Variants in COL26A1 observed in about 807,000 individuals in gnomAD.
The protein encoded by COL26A1 is collagen type XXVI alpha 1 chain.
A neutral mutation model predicts 59.3 loss-of-function variants in COL26A1; 41 were observed. The observed-to-expected ratio is 0.69, with a 90% CI of 0.54 to 0.90. The LOEUF (loss-of-function observed/expected upper bound fraction) is 0.90. COL26A1 is among the 40% of genes least tolerant of loss of function. The pLI is 0.00. For synonymous variants in COL26A1, 266 were observed against 256.0 expected (o/e 1.04, Z -0.37); for missense variants, 612 against 602.3 (o/e 1.02, Z -0.17).
At chr7:101,519,161 A>C (rs1795089450) in intron 3 of COL26A1, among the ~76,000 whole-genome samples, 1 of 152,206 alleles carries the variant, frequency 6.6e-6, no homozygotes, top group Non-Finnish European at 1.5e-5. Context: ...GGCAGGTGAC[A>C]CAGGTACAGA....
chr7:101,432,568 T>C (rs575584930), intron 2 of COL26A1, among the ~76,000 whole-genome samples: 5 of 152,216 alleles, frequency 3.3e-5, no homozygotes, highest in African/African-American at 1.2e-4. Flanking sequence ...TTTGGCTGAG[T>C]TGAGTTGCCT....
At position 101,498,313 on chromosome 7, in the gene COL26A1, A is replaced by G. The variant is rs149416010; in HGVS notation, c.386-34769A>G. Among the ~76,000 whole-genome samples, 16 of 152,296 alleles carry G rather than the reference A, an allele frequency of 1.1e-4. No individual in the cohort carries two copies. The East Asian group carries it at 3.1e-3, about 29-fold the overall frequency. On this transcript the variant is annotated intron_variant, in intron 3 of 12. Coordinates refer to ENST00000313669, the MANE Select transcript of COL26A1 (RefSeq NM_001278563.3). ...CCAAACCAATGACCTCTTTCTTATCAGTTTCATGTAACACAGAAAAAGTAA... is the reference window on the plus strand; with the variant it reads ...CCAAACCAATGACCTCTTTCTTATCGGTTTCATGTAACACAGAAAAAGTAA...
intron 1 of COL26A1, among the ~76,000 whole-genome samples, chr7:101,378,775 A>G (rs562932086): frequency 1.3e-5 from 2 of 152,192 alleles, no homozygotes; most frequent in African/African-American, 4.8e-5. Context: ...TGGAAATGCA[A>G]GGACTCTGCG....
chr7:101,524,954 ACAGAACCCC>A (rs1223447495), intron 3 of COL26A1, among the ~76,000 whole-genome samples: 1 of 152,170 alleles, frequency 6.6e-6, no homozygotes, highest in Non-Finnish European at 1.5e-5. Context: ...AGCCAAGTCA[ACAGAACCCC>A]CAGGGTTATA....
chr7:101,403,201 T>C (rs1792055248), intron 1 of COL26A1, among the ~76,000 whole-genome samples: 1 of 152,078 alleles, frequency 6.6e-6, no homozygotes. Flanking sequence ...CAGGGGACAA[T>C]AGACCTAAAC....
chr7:101,463,869 T>TTTTC (rs566945352), intron 3 of COL26A1, among the ~76,000 whole-genome samples: 4,574 of 91,642 alleles, frequency 0.05, 144 homozygotes, highest in East Asian at 0.12. Context: ...CTCTTTTTTC[T>TTTTC]TTTCTTTCTT....
chr7:101,398,844 A>G (rs1053063383), intron 1 of COL26A1, among the ~76,000 whole-genome samples: 1 of 152,110 alleles, frequency 6.6e-6, no homozygotes, highest in Non-Finnish European at 1.5e-5. Context: ...TCTGATTAGA[A>G]TCACAAATGC....
chr7:101,546,132 G>A (rs1364144626), intron 7 of COL26A1, among the ~76,000 whole-genome samples: 1 of 152,208 alleles, frequency 6.6e-6, no homozygotes, highest in African/African-American at 2.4e-5. Flanking sequence ...ACGGGACCAG[G>A]ACTCTGGGCC....
chr7:101,515,186 T>A (rs948058819), intron 3 of COL26A1, among the ~76,000 whole-genome samples: 1 of 152,046 alleles, frequency 6.6e-6, no homozygotes, highest in Non-Finnish European at 1.5e-5. Context: ...CTGAACAGAG[T>A]CTTCTGTCTC....
chr7:101,544,183 C>G (rs930807813), intron 6 of COL26A1, 87 bp downstream of exon 6: 10 of 987,404 alleles, frequency 1.0e-5, no homozygotes, highest in African/African-American at 1.6e-5. Context: ...AGGTGTCCCA[C>G]GCACCCACAG....
chr7:101,485,961 T>C (rs1373735680), intron 3 of COL26A1, among the ~76,000 whole-genome samples: 1 of 151,946 alleles, frequency 6.6e-6, no homozygotes, highest in Non-Finnish European at 1.5e-5. Context: ...TCACTTGAGG[T>C]CAGAAGTTTG....
At chr7:101,424,631 G>A (rs1238312787) in intron 2 of COL26A1, among the ~76,000 whole-genome samples, 1 of 152,116 alleles carries the variant, frequency 6.6e-6, no homozygotes, top group Admixed American at 6.6e-5. Context: ...GGGAAGGAGA[G>A]GTTAACACAG....
intron 1 of COL26A1, among the ~76,000 whole-genome samples, chr7:101,370,896 G>T (rs1178032385): frequency 6.6e-6 from 1 of 152,082 alleles, no homozygotes; most frequent in African/African-American, 2.4e-5. Context: ...TTTGTGGGTA[G>T]CCCCTGCACC....
intron 3 of COL26A1, among the ~76,000 whole-genome samples, chr7:101,463,850 C>T (rs1448204055): frequency 8.1e-6 from 1 of 124,104 alleles, no homozygotes; most frequent in Admixed American, 8.3e-5. Context: ...CCCTCCCTCC[C>T]TCTTTTTTCT....
chr7:101,383,970 G>A (rs1179024152), intron 1 of COL26A1, among the ~76,000 whole-genome samples: 4 of 149,870 alleles, frequency 2.7e-5, no homozygotes, highest in Non-Finnish European at 6.0e-5. Context: ...GTGCCCAGCC[G>A]ATAATTTTTT....
At chr7:101,385,663 G>A (rs1158223773) in intron 1 of COL26A1, among the ~76,000 whole-genome samples, 2 of 151,668 alleles carry the variant, frequency 1.3e-5, no homozygotes, top group South Asian at 2.1e-4. Flanking sequence ...GAGCCACCAC[G>A]CCTGGCCCCA....
At chr7:101,371,785 C>G (rs1053507073) in intron 1 of COL26A1, among the ~76,000 whole-genome samples, 1 of 152,140 alleles carries the variant, frequency 6.6e-6, no homozygotes, top group African/African-American at 2.4e-5. Context: ...GAGTGAGACC[C>G]TGTCTCTGGG....
rs537081819 is a variant in COL26A1 at position 101,434,194 on chromosome 7, C to G, written c.282-13490C>G. On this transcript the variant is annotated intron_variant, in intron 2 of 12. Transcript: ENST00000313669. ...CCCTTCCTTCCTTCCTTCTCTCTCT[C>G]TCTCTCTCCCGCCCCACCTCTCTCT... Among the ~76,000 whole-genome samples the G allele has an allele frequency of 1.4e-4, 18 of 130,732 alleles. No homozygotes were observed. In the South Asian group the frequency reaches 4.3e-3, roughly 31 times the overall value. 85.8% of individuals were successfully genotyped at this position (130,732 alleles called of 152,430 possible).
chr7:101,523,350 T>A (rs1795177795), intron 3 of COL26A1, among the ~76,000 whole-genome samples: 1 of 152,244 alleles, frequency 6.6e-6, no homozygotes, highest in Non-Finnish European at 1.5e-5. Flanking sequence ...ATTACAGGCG[T>A]GAGCCACCAC....
Sources: gnomAD v4.1 joint callset for allele counts (sites outside exome capture counted in the v4.1 genomes callset) on GRCh38, gnomAD v4.1.1 for gene constraint, MANE v1.5 for transcripts, NCBI Gene and HGNC (gene_info 2026-07-23, HGNC 2026-07-21) for gene names.